Variants in TASP1 observed in about 807,000 individuals in gnomAD.
TASP1 encodes threonine aspartase 1.
TASP1 carries 16 observed loss-of-function variants against 56.6 expected under a neutral mutation model. That is an observed-to-expected ratio of 0.28 (90% CI 0.19 to 0.43). The LOEUF (loss-of-function observed/expected upper bound fraction) is 0.43, where lower values mean the gene tolerates loss of function less well. TASP1 is among the 20% of genes least tolerant of loss of function. The pLI, the probability that TASP1 is intolerant of heterozygous loss-of-function variation, is 1.00. For missense variants in TASP1, 393 were observed against 511.6 expected, an observed-to-expected ratio of 0.77 and a Z score of 2.24; for synonymous variants, 179 against 184.2, an observed-to-expected ratio of 0.97 and a Z score of 0.23.
At chr20:13,176,635 T>C in the TASP1 span, among the ~76,000 whole-genome samples, 1 of 152,218 alleles carries the variant, frequency 6.6e-6, no homozygotes, top group Non-Finnish European at 1.5e-5. Flanking sequence ...GATTTTTGCA[T>C]CTATGTTCAG....
chr20:13,125,817 A>G, the TASP1 span, among the ~76,000 whole-genome samples: 1 of 152,206 alleles, frequency 6.6e-6, no homozygotes. Context: ...CCTCTGCCAT[A>G]TATTACTGAA....
At chr20:13,337,563 AT>A in the TASP1 span, among the ~76,000 whole-genome samples, 3 of 152,104 alleles carry the variant, frequency 2.0e-5, no homozygotes, top group Non-Finnish European at 4.4e-5. Context: ...TTCCTCACCA[AT>A]TTATGCTGTC....
At chr20:13,160,713 G>T in the TASP1 span, among the ~76,000 whole-genome samples, 3 of 152,324 alleles carry the variant, frequency 2.0e-5, no homozygotes, top group East Asian at 3.9e-4. Flanking sequence ...ATGCAGTTTT[G>T]CAAACACTAT....
At chr20:13,524,449 T>C (rs1318527663) in intron 10 of TASP1, among the ~76,000 whole-genome samples, 1 of 152,132 alleles carries the variant, frequency 6.6e-6, no homozygotes, top group Non-Finnish European at 1.5e-5. Flanking sequence ...AAAGTAAGCA[T>C]TCTTCTCAAA....
the TASP1 span, among the ~76,000 whole-genome samples, chr20:13,273,054 A>G: frequency 1.3e-5 from 2 of 152,084 alleles, no homozygotes; most frequent in Non-Finnish European, 2.9e-5. Flanking sequence ...GATGCGGGAG[A>G]ACGGAAGGCT....
intron 4 of TASP1, among the ~76,000 whole-genome samples, chr20:13,602,563 AC>A (rs2048002826): frequency 1.3e-5 from 2 of 152,168 alleles, no homozygotes; most frequent in Admixed American, 6.5e-5. Flanking sequence ...CCTTTTTGGC[AC>A]CACTGGGACC....
the TASP1 span, chr20:13,154,126 C>CT: frequency 1.2e-6 from 2 of 1,614,052 alleles, no homozygotes; most frequent in Non-Finnish European, 8.5e-7. Context: ...CTTTATATGC[C>CT]TGGTAAAGTA....
At chr20:13,396,888 A>G (rs1043223967) in intron 13 of TASP1, among the ~76,000 whole-genome samples, 1 of 152,226 alleles carries the variant, frequency 6.6e-6, no homozygotes, top group Non-Finnish European at 1.5e-5. Context: ...TATTGTTCTC[A>G]CATACAAATA....
At chr20:13,377,714 T>C in the TASP1 span, among the ~76,000 whole-genome samples, 1 of 152,190 alleles carries the variant, frequency 6.6e-6, no homozygotes, top group African/African-American at 2.4e-5. Flanking sequence ...AGGTTTTTTT[T>C]GGTTGGTAGG....
the TASP1 span, among the ~76,000 whole-genome samples, chr20:13,175,611 C>G: frequency 6.6e-6 from 1 of 152,190 alleles, no homozygotes; most frequent in Non-Finnish European, 1.5e-5. Context: ...TTGAAGTACT[C>G]TGAGAAATCA....
intron 7 of TASP1, among the ~76,000 whole-genome samples, chr20:13,564,207 C>T (rs993559800): frequency 1.3e-5 from 2 of 152,228 alleles, no homozygotes; most frequent in Admixed American, 1.3e-4. Flanking sequence ...CACAAACACA[C>T]AAACCCACTA....
At chr20:13,335,351 C>T in the TASP1 span, among the ~76,000 whole-genome samples, 1 of 151,914 alleles carries the variant, frequency 6.6e-6, no homozygotes, top group East Asian at 1.9e-4. Context: ...CACACACACA[C>T]ACACACACAC....
At chr20:13,341,483 C>T in the TASP1 span, among the ~76,000 whole-genome samples, 4 of 151,998 alleles carry the variant, frequency 2.6e-5, no homozygotes, top group African/African-American at 4.8e-5. Context: ...ATGAGGGTAA[C>T]GTAGTCACAA....
At chr20:13,544,231 T>A (rs2045723842) in intron 8 of TASP1, among the ~76,000 whole-genome samples, 3 of 152,186 alleles carry the variant, frequency 2.0e-5, no homozygotes, top group South Asian at 2.1e-4. Flanking sequence ...TTTGAAAAAA[T>A]TCTTTACTGC....
At chr20:13,254,002 G>A in the TASP1 span, among the ~76,000 whole-genome samples, 1 of 148,696 alleles carries the variant, frequency 6.7e-6, no homozygotes, top group African/African-American at 2.5e-5. Context: ...CGGATCACTT[G>A]AGGTCAGGAG....
the TASP1 span, among the ~76,000 whole-genome samples, chr20:13,343,587 C>T: frequency 7.0e-6 from 1 of 143,730 alleles, no homozygotes; most frequent in African/African-American, 2.5e-5. Context: ...CCGCCGCCCC[C>T]GCCCCCGCCC....
In TASP1 at chr20:13,627,347, T is replaced by C. The variant is rs545685015; in HGVS notation, c.146-2095A>G. 5.3e-5 allele frequency among the ~76,000 whole-genome samples: 8 copies of C among 152,280 alleles called. No individual in the cohort carries two copies. In the East Asian group the frequency reaches 1.5e-3, roughly 29 times the overall value. The stretch of plus-strand genomic sequence containing the variant: ...CTTTCTAATAATTTAGAAGTGAGGG[T>C]CACCCTTAATTCACACAATATCCTA... On this transcript the variant is annotated intron_variant, in intron 2 of 13. Coordinates refer to ENST00000337743, the MANE Select transcript of TASP1 (RefSeq NM_017714.3).
intron 10 of TASP1, among the ~76,000 whole-genome samples, chr20:13,485,587 C>A (rs987118858): frequency 6.6e-6 from 1 of 152,162 alleles, no homozygotes; most frequent in Admixed American, 6.5e-5. Flanking sequence ...TGAATACCTA[C>A]ACTTCAAGGA....
At chr20:13,456,137 T>G (rs1012801475) in intron 11 of TASP1, among the ~76,000 whole-genome samples, 2 of 152,144 alleles carry the variant, frequency 1.3e-5, no homozygotes, top group African/African-American at 4.8e-5. Flanking sequence ...GAGATGGAAG[T>G]AAACCCATCA....
Sources: gnomAD v4.1 joint callset for allele counts (sites outside exome capture counted in the v4.1 genomes callset) on GRCh38, gnomAD v4.1.1 for gene constraint, MANE v1.5 for transcripts, NCBI Gene and HGNC (gene_info 2026-07-23, HGNC 2026-07-21) for gene names.